FAM13A: variants seen among roughly 807,000 people sequenced by gnomAD.
FAM13A encodes the protein protein FAM13A.
In FAM13A, 76 loss-of-function variants were observed where a neutral mutation model predicts 129.6. The observed-to-expected ratio is 0.59, with a 90% CI of 0.49 to 0.71. The LOEUF (loss-of-function observed/expected upper bound fraction) is 0.71, where lower values mean the gene tolerates loss of function less well. Among genes scored for constraint, FAM13A ranks in the 30% least tolerant of loss-of-function variants. The probability of loss-of-function intolerance (pLI) is 0.00; values close to 1 mark genes in which losing one functional copy is unlikely to be tolerated. For synonymous variants in FAM13A, 443 were observed against 449.9 expected (o/e 0.98, Z 0.20); for missense variants, 1,108 against 1,249.3 (o/e 0.89, Z 1.70).
intron 5 of FAM13A, among the ~76,000 whole-genome samples, chr4:88,928,856 T>C (rs1752612978): frequency 6.6e-6 from 1 of 152,134 alleles, no homozygotes; most frequent in African/African-American, 2.4e-5. Context: ...GTTAATTGCT[T>C]TCAAATTGTT....
chr4:88,789,481 A>G (rs899130105), intron 9 of FAM13A, among the ~76,000 whole-genome samples: 1 of 152,152 alleles, frequency 6.6e-6, no homozygotes. Flanking sequence ...AGATGCTCCA[A>G]AGAGGCCCAC....
intron 4 of FAM13A, among the ~76,000 whole-genome samples, chr4:88,963,748 C>T (rs1758965018): frequency 6.6e-6 from 1 of 152,118 alleles, no homozygotes; most frequent in Non-Finnish European, 1.5e-5. Context: ...ATTTTAGGGA[C>T]CAGTCTATTA....
chr4:88,947,960 T>C (rs1313300160), intron 4 of FAM13A, among the ~76,000 whole-genome samples: 1 of 151,976 alleles, frequency 6.6e-6, no homozygotes, highest in East Asian at 1.9e-4. Flanking sequence ...ATATTAACGG[T>C]GTTAAAATTT....
chr4:89,024,652 T>C (rs1335411562), intron 2 of FAM13A, among the ~76,000 whole-genome samples: 2 of 152,234 alleles, frequency 1.3e-5, no homozygotes. Flanking sequence ...TAAATGTTTG[T>C]TGATCTGAAA....
At chr4:88,780,682 AAG>A (rs1301667510) in intron 11 of FAM13A, among the ~76,000 whole-genome samples, 1 of 152,188 alleles carries the variant, frequency 6.6e-6, no homozygotes, top group African/African-American at 2.4e-5. Flanking sequence ...ATTAACTTGG[AAG>A]AAAATACTTT....
intron 1 of FAM13A, among the ~76,000 whole-genome samples, chr4:89,052,229 G>A (rs910296436): frequency 1.3e-5 from 2 of 150,456 alleles, no homozygotes; most frequent in Non-Finnish European, 3.0e-5. Flanking sequence ...AGCCTAAGAT[G>A]TAAGGAGGTT....
rs1481031469 is a variant in FAM13A, at chr4:89,008,627, C to T, written c.427+11833G>A. Among the ~76,000 whole-genome samples, 4 of 152,266 alleles carry T rather than the reference C, an allele frequency of 2.6e-5. No homozygotes were observed. In the East Asian group the frequency reaches 7.7e-4, roughly 29 times the overall value. On this transcript the variant is annotated intron_variant, in intron 3 of 23. Transcript: ENST00000264344. ...TGGAGCCAGGCAGATCCCAACTCTGCACAATCTACCTGCTTGTTCTTTGGC... is the reference window on the plus strand; with the variant it reads ...TGGAGCCAGGCAGATCCCAACTCTGTACAATCTACCTGCTTGTTCTTTGGC...
chr4:88,933,002 A>C (rs962702009), intron 5 of FAM13A, among the ~76,000 whole-genome samples: 3 of 152,196 alleles, frequency 2.0e-5, no homozygotes, highest in African/African-American at 7.2e-5. Flanking sequence ...TAAAATGACT[A>C]TTGATTACTT....
At chr4:88,875,116 C>T (rs1384530917) in intron 6 of FAM13A, among the ~76,000 whole-genome samples, 1 of 152,134 alleles carries the variant, frequency 6.6e-6, no homozygotes, top group Non-Finnish European at 1.5e-5. Flanking sequence ...GGATCCCTTC[C>T]TTACATCTTA....
intron 23 of FAM13A, 43 bp downstream of exon 23, chr4:88,731,284 G>T (rs772050578): frequency 1.4e-5 from 15 of 1,089,358 alleles, no homozygotes; most frequent in Non-Finnish European, 2.1e-5. Context: ...GGTGTGTGTG[G>T]TGCGGCGGGG....
intron 13 of FAM13A, among the ~76,000 whole-genome samples, chr4:88,760,956 T>C (rs1013214732): frequency 7.9e-5 from 12 of 152,112 alleles, no homozygotes; most frequent in African/African-American, 2.9e-4. Context: ...CATCAAAAAA[T>C]ACTAGAAATA....
intron 5 of FAM13A, among the ~76,000 whole-genome samples, chr4:88,931,363 A>G (rs1303433478): frequency 1.3e-5 from 2 of 152,008 alleles, no homozygotes; most frequent in Non-Finnish European, 2.9e-5. Context: ...AGTTTTTCCT[A>G]TATCCAAAAC....
At chr4:88,923,838 A>C (rs1240529723) in intron 5 of FAM13A, among the ~76,000 whole-genome samples, 1 of 152,202 alleles carries the variant, frequency 6.6e-6, no homozygotes, top group Non-Finnish European at 1.5e-5. Context: ...TTAAGCTGAT[A>C]AGCAACTTCA....
intron 5 of FAM13A, among the ~76,000 whole-genome samples, chr4:88,927,463 C>T (rs1170909086): frequency 7.0e-6 from 1 of 143,200 alleles, no homozygotes; most frequent in Admixed American, 7.1e-5. Flanking sequence ...CTTGATTGCT[C>T]TGGTGAGTCC....
chr4:88,808,954 T>C (rs887092417), intron 7 of FAM13A, among the ~76,000 whole-genome samples: 2 of 152,140 alleles, frequency 1.3e-5, no homozygotes, highest in African/African-American at 4.8e-5. Flanking sequence ...CAACTAAGAA[T>C]GCCAATAACT....
At chr4:88,739,786 CAAAA>C (rs34007551) in intron 19 of FAM13A, among the ~76,000 whole-genome samples, 4 of 67,928 alleles carry the variant, frequency 5.9e-5, no homozygotes, top group African/African-American at 1.7e-4. Flanking sequence ...GACTCTGTCT[CAAAA>C]AAAAAAAAAA....
chr4:88,766,176 T>C (rs1228223935), intron 13 of FAM13A, among the ~76,000 whole-genome samples: 1 of 152,186 alleles, frequency 6.6e-6, no homozygotes, highest in Non-Finnish European at 1.5e-5. Flanking sequence ...GGCAAAGCGA[T>C]TTTCTTTAAA....
intron 6 of FAM13A, among the ~76,000 whole-genome samples, chr4:88,901,743 A>G (rs1164768323): frequency 6.6e-6 from 1 of 152,108 alleles, no homozygotes; most frequent in African/African-American, 2.4e-5. Context: ...ACAAGAAATA[A>G]CCAGTATCAG....
At chr4:88,826,805 A>G (rs1162913961) in intron 7 of FAM13A, among the ~76,000 whole-genome samples, 1 of 152,116 alleles carries the variant, frequency 6.6e-6, no homozygotes, top group Non-Finnish European at 1.5e-5. Flanking sequence ...CAAGCCTCTT[A>G]TCTGTGTATT....
Sources: gnomAD v4.1 joint callset for allele counts (sites outside exome capture counted in the v4.1 genomes callset) on GRCh38, gnomAD v4.1.1 for gene constraint, MANE v1.5 for transcripts, NCBI Gene and HGNC (gene_info 2026-07-23, HGNC 2026-07-21) for gene names.